The following SETD3 variants were observed in gnomAD, a reference collection of about 807,000 sequenced individuals.
SETD3 encodes SET domain containing 3, actin N3(tau)-histidine methyltransferase.
Under a neutral mutation model 63.0 loss-of-function variants are expected in SETD3, and 19 were observed. The ratio of observed to expected loss-of-function variants is 0.30; its 90% CI spans 0.21 to 0.44. SETD3 has a LOEUF of 0.44. Among genes scored for constraint, SETD3 ranks in the 20% least tolerant of loss-of-function variants. The pLI is 1.00. For synonymous variants in SETD3, 286 were observed against 264.1 expected (o/e 1.08, Z -0.80); for missense variants, 587 against 728.5 (o/e 0.81, Z 2.24).
intron 6 of SETD3, among the ~76,000 whole-genome samples, chr14:99,438,943 G>A (rs1433437248): frequency 6.6e-6 from 1 of 152,226 alleles, no homozygotes; most frequent in Non-Finnish European, 1.5e-5. Flanking sequence ...TCAGAAGAAT[G>A]ATTGTACTTA....
chr14:99,415,736 C>T (rs1281061515), intron 6 of SETD3, among the ~76,000 whole-genome samples: 4 of 152,162 alleles, frequency 2.6e-5, no homozygotes, highest in African/African-American at 9.7e-5. Context: ...ATAGGGTGTA[C>T]ACACTGTACA....
intron 1 of SETD3, among the ~76,000 whole-genome samples, chr14:99,475,500 G>A (rs958881536): frequency 6.6e-6 from 1 of 152,232 alleles, no homozygotes; most frequent in Non-Finnish European, 1.5e-5. Flanking sequence ...CCTGCTTTGT[G>A]AGCCCCTCCA....
At chr14:99,461,680 A>G (rs986034323) in intron 3 of SETD3, among the ~76,000 whole-genome samples, 3 of 152,234 alleles carry the variant, frequency 2.0e-5, no homozygotes, top group Non-Finnish European at 2.9e-5. Context: ...TTTCTCCTTA[A>G]AAGTCAAACA....
At position 99,404,315 on chromosome 14, in the gene SETD3, T is replaced by G. The variant is rs746015467; in HGVS notation, c.1092-5A>C. 8.7e-6 allele frequency: 14 copies of G among 1,613,694 alleles called. No individual in the cohort carries two copies. In the South Asian group the frequency reaches 1.5e-4, roughly 18 times the overall value. On this transcript the variant is annotated splice_region_variant and splice_polypyrimidine_tract_variant and intron_variant, in intron 10 of 12. Transcript: ENST00000331768. ...TGCAATGCAAAAACACTGGAACTGA[T>G]AAAAGCAGAAAGCAAGATCAGTCAC...
intron 11 of SETD3, among the ~76,000 whole-genome samples, chr14:99,402,250 C>G (rs538866952): frequency 2.6e-5 from 4 of 152,276 alleles, no homozygotes; most frequent in African/African-American, 9.6e-5. Flanking sequence ...CCCTAGAGCA[C>G]TAAGACTTTT....
intron 6 of SETD3, among the ~76,000 whole-genome samples, chr14:99,432,866 C>T (rs137859867): frequency 6.6e-6 from 1 of 152,096 alleles, no homozygotes; most frequent in South Asian, 2.1e-4. Flanking sequence ...GTCTCTATTC[C>T]CCCAAGGGAT....
chr14:99,398,557 A>C lies in SETD3; in HGVS notation c.*122T>G, dbSNP rs1891205395. On this transcript the variant is annotated 3_prime_UTR_variant, in exon 13 of 13. Transcript: ENST00000331768. Reference sequence around the variant, plus strand: ...ACTTAAAAAAACCATTTTTATATAAAGCAGCAAAAACATATCTTCCTCTCT... The same window carrying C: ...ACTTAAAAAAACCATTTTTATATAACGCAGCAAAAACATATCTTCCTCTCT... The C allele has an allele frequency of 9.5e-6, 9 of 945,724 alleles. No individual in the cohort carries two copies. The South Asian group carries it at 1.1e-4, about 12-fold the overall frequency. The allele number at this position is 945,724 out of a possible 1,614,324, so 58.6% of individuals were successfully genotyped here.
At chr14:99,403,514 C>T (rs1891515972) in intron 11 of SETD3, among the ~76,000 whole-genome samples, 1 of 150,754 alleles carries the variant, frequency 6.6e-6, no homozygotes, top group Admixed American at 6.6e-5. Flanking sequence ...AATGAAACCT[C>T]AGGGCCAGGA....
At chr14:99,470,672 C>T (rs1299682380) in intron 1 of SETD3, among the ~76,000 whole-genome samples, 8 of 152,182 alleles carry the variant, frequency 5.3e-5, no homozygotes, top group Non-Finnish European at 1.2e-4. Flanking sequence ...ACTTAAGTCA[C>T]TGAAGGCAAG....
At chr14:99,404,639 T>C (rs1448722920) in intron 10 of SETD3, among the ~76,000 whole-genome samples, 3 of 152,224 alleles carry the variant, frequency 2.0e-5, no homozygotes, top group Non-Finnish European at 4.4e-5. Context: ...CAATAATTTA[T>C]GTTGAGTTCA....
chr14:99,471,313 G>A (rs1184892193), intron 1 of SETD3, among the ~76,000 whole-genome samples: 1 of 152,158 alleles, frequency 6.6e-6, no homozygotes, highest in Non-Finnish European at 1.5e-5. Context: ...TTAAACAGTA[G>A]TCAAAATGAA....
chr14:99,468,023 C>T (rs1895490535), intron 1 of SETD3, among the ~76,000 whole-genome samples: 1 of 152,148 alleles, frequency 6.6e-6, no homozygotes, highest in Admixed American at 6.5e-5. Context: ...TAGATACCAT[C>T]CTCATCTTTC....
chr14:99,423,565 G>A, intron 6 of SETD3, among the ~76,000 whole-genome samples: 1 of 51,912 alleles, frequency 1.9e-5, no homozygotes, highest in African/African-American at 6.4e-5. Context: ...ATAGATACCA[G>A]AAGGCTCTTA....
intron 6 of SETD3, among the ~76,000 whole-genome samples, chr14:99,421,683 G>A (rs770874756): frequency 4.6e-5 from 7 of 152,086 alleles, no homozygotes; most frequent in Non-Finnish European, 8.8e-5. Flanking sequence ...AGAACTCTAT[G>A]TGCATATAAT....
intron 6 of SETD3, among the ~76,000 whole-genome samples, chr14:99,444,965 G>C (rs1024130315): frequency 1.3e-5 from 2 of 152,190 alleles, no homozygotes; most frequent in Non-Finnish European, 2.9e-5. Context: ...AAAAGGCCAT[G>C]ATGGTAAAAG....
chr14:99,477,748 C>A (rs368974390), intron 1 of SETD3, among the ~76,000 whole-genome samples: 437 of 130,358 alleles, frequency 3.4e-3, no homozygotes, highest in Non-Finnish European at 4.0e-3. Flanking sequence ...AACTCCATCT[C>A]AAAAAAAAAA....
intron 7 of SETD3, 26 bp downstream of exon 7, chr14:99,413,850 C>T (rs771015886): frequency 6.2e-7 from 1 of 1,612,680 alleles, no homozygotes; most frequent in Admixed American, 1.7e-5. Context: ...CCTCAATACA[C>T]AGACACACTC....
rs146602602 is a variant in SETD3 at position 99,414,252 on chromosome 14, A to G, written c.676-318T>C. Among the ~76,000 whole-genome samples, 11 of 152,390 alleles carry G rather than the reference A, an allele frequency of 7.2e-5. No homozygotes were observed. In the East Asian group the frequency reaches 1.9e-3, roughly 27 times the overall value. On this transcript the variant is annotated intron_variant, in intron 6 of 12. Transcript: ENST00000331768. ...AGGCAGGCACGCCTACGCGATGAGC[A>G]CTGGATCTAAGCAGAAACGCAGAGC...
intron 1 of SETD3, among the ~76,000 whole-genome samples, chr14:99,466,677 G>A (rs1197219841): frequency 6.6e-6 from 1 of 152,042 alleles, no homozygotes; most frequent in African/African-American, 2.4e-5. Context: ...GGGAAGCACA[G>A]TGAGGAAGGG....
Sources: allele counts gnomAD v4.1 joint callset (sites outside exome capture counted in the v4.1 genomes callset), GRCh38; gene constraint gnomAD v4.1.1; transcripts MANE v1.5; gene names NCBI Gene and HGNC (gene_info 2026-07-23, HGNC 2026-07-21).